The following MC2R variants were observed in gnomAD, a reference collection of about 807,000 sequenced individuals.
MC2R encodes melanocortin 2 receptor.
A neutral mutation model predicts 9.8 loss-of-function variants in MC2R; 9 were observed. That is an observed-to-expected ratio of 0.92 (90% CI 0.55 to 1.60). The LOEUF is 1.60. Ranked by LOEUF, MC2R falls within the 40% of genes most tolerant of loss-of-function variation. MC2R has a pLI of 0.00. For missense variants in MC2R, 370 were observed against 389.0 expected (o/e 0.95, Z 0.41); for synonymous variants, 185 against 154.7 (o/e 1.20, Z -1.45).
chr18:13,901,654 T>C (rs552373204), intron 1 of MC2R, among the ~76,000 whole-genome samples: 1 of 152,166 alleles, frequency 6.6e-6, no homozygotes, highest in Admixed American at 6.5e-5. Flanking sequence ...AATTCCCAGA[T>C]ACATATAACC....
In MC2R at chr18:13,884,885, TGGG is replaced by T. The variant is rs1427041088; in HGVS notation, c.631_633del (p.Pro211del). The T allele has an allele frequency of 3.1e-6, 5 of 1,613,808 alleles. No individual in the cohort carries two copies. Among genetic ancestry groups the T allele is most frequent in the Non-Finnish European group, 4.2e-6 (5 of 1,179,996 alleles). ...GTGATGGCCCCTTTCATGTTGGCTCTGGGGAGGGTGGAGATCTTCCTGGTGTGG... is the reference window on the plus strand; with the variant it reads ...GTGATGGCCCCTTTCATGTTGGCTCTGAGGGTGGAGATCTTCCTGGTGTGG... On this transcript the variant is annotated inframe_deletion, in exon 2 of 2. Transcript: ENST00000327606.
intron 1 of MC2R, among the ~76,000 whole-genome samples, chr18:13,903,347 T>G (rs529492753): frequency 2.0e-5 from 3 of 152,212 alleles, no homozygotes; most frequent in Admixed American, 2.0e-4. Context: ...GTTGGATATA[T>G]ACCCAAAGGG....
chr18:13,884,460 G>A lies in MC2R; in HGVS notation c.*165C>T. 1 of 756,188 alleles carries A rather than the reference G, an allele frequency of 1.3e-6. No homozygotes were observed. The highest frequency in any genetic ancestry group is 2.3e-6 in the Non-Finnish European group (1 of 439,310). The allele number at this position is 756,188 out of a possible 1,614,324, so 46.8% of individuals were successfully genotyped here. On this transcript the variant is annotated 3_prime_UTR_variant, in exon 2 of 2. Coordinates refer to ENST00000327606, the MANE Select transcript of MC2R (RefSeq NM_000529.2). ...AAGAGGTTGCCCCTACAATAAGACT[G>A]TTCACATAGAACCTAGCTATTAGAA...
At chr18:13,908,745 T>TG (rs2045428272) in intron 1 of MC2R, among the ~76,000 whole-genome samples, 1 of 151,392 alleles carries the variant, frequency 6.6e-6, no homozygotes, top group Non-Finnish European at 1.5e-5. Context: ...TGTGTGTGTA[T>TG]TTCAAGCAAA....
At chr18:13,903,717 G>A (rs1434109254) in intron 1 of MC2R, among the ~76,000 whole-genome samples, 9 of 152,190 alleles carry the variant, frequency 5.9e-5, no homozygotes, top group Non-Finnish European at 1.0e-4. Context: ...GGGAGGTGGG[G>A]ATGGTTAATG....
At chr18:13,896,610 C>T (rs2045347502) in intron 1 of MC2R, among the ~76,000 whole-genome samples, 1 of 152,108 alleles carries the variant, frequency 6.6e-6, no homozygotes, top group Admixed American at 6.5e-5. Context: ...ATCCAGGTAG[C>T]AATTTTTATT....
rs28926179 is a variant in MC2R, at chr18:13,885,250, C to G, written c.269G>C (p.Gly90Ala). ...AAAACTGCCACGTGGCTTGAGATAG[C>G]CCATGTTTCTCAATATGATCAGGAT... ...ENILIILRNM[G>A]YLKPRGSFET... Residue 90 changes from glycine to alanine, a missense_variant, in exon 2 of 2, where the codon GGC becomes GCC. By Grantham distance (60) the Gly-to-Ala change is moderately conservative. Coordinates refer to ENST00000327606, the MANE Select transcript of MC2R (RefSeq NM_000529.2). 1.2e-5 allele frequency: 20 copies of G among 1,613,930 alleles called. No individual in the cohort carries two copies. In the East Asian group the frequency reaches 4.2e-4, roughly 34 times the overall value.
chr18:13,908,661 C>T (rs1258405091), intron 1 of MC2R, among the ~76,000 whole-genome samples: 1 of 149,770 alleles, frequency 6.7e-6, no homozygotes, highest in Non-Finnish European at 1.5e-5. Context: ...AAACTACATA[C>T]ATATACCAGT....
intron 1 of MC2R, among the ~76,000 whole-genome samples, chr18:13,911,073 G>A (rs891785522): frequency 7.9e-5 from 12 of 152,364 alleles, no homozygotes; most frequent in South Asian, 6.2e-4. Context: ...ACAGGCAGGT[G>A]CAGTTGCCTT....
Position 13,884,751 on chromosome 18 carries a change from A to G in MC2R, c.768T>C (p.Ser256=), listed in dbSNP as rs1420707573. The change falls in exon 2 of 2, where the codon TCT becomes TCC. Residue 256 remains serine (S), a synonymous_variant. Transcript: ENST00000327606. ...PSNPYCACYM[S]LFQVNGMLIM... is the part of the protein sequence containing the mutation. ...TCAACATGCCGTTCACCTGGAAGAG[A>G]GACATGTAGCAGGCGCAGTAGGGGT... The G allele has an allele frequency of 3.1e-6, 5 of 1,613,942 alleles. No homozygotes were observed. Among genetic ancestry groups the G allele is most frequent in the Non-Finnish European group, 2.5e-6 (3 of 1,180,022 alleles).
At position 13,883,648 on chromosome 18, in the gene MC2R, CTCTCTCTCTGTCTGTCTCTG is replaced by C. The variant is rs1231071989; in HGVS notation, c.*957_*976del. ...ACACACTCTCTCTCTCTCTCTCTCTCTCTCTCTCTGTCTGTCTCTGTCTCTCTCTCTTTATTTCTTAAAAT... is the reference window on the plus strand; with the variant it reads ...ACACACTCTCTCTCTCTCTCTCTCTCTCTCTCTCTCTTTATTTCTTAAAAT... On this transcript the variant is annotated 3_prime_UTR_variant, in exon 2 of 2. Coordinates refer to ENST00000327606, the MANE Select transcript of MC2R (RefSeq NM_000529.2). The C allele has an allele frequency of 3.3e-5, 5 of 151,824 alleles. No individual in the cohort carries two copies. The highest frequency in any genetic ancestry group is 7.3e-5 in the Non-Finnish European group (5 of 68,076). 9.4% of individuals were successfully genotyped at this position (151,824 alleles called of 1,614,324 possible).
chr18:13,914,174 G>A (rs2045462728), intron 1 of MC2R, among the ~76,000 whole-genome samples: 1 of 152,056 alleles, frequency 6.6e-6, no homozygotes, highest in Admixed American at 6.5e-5. Flanking sequence ...AAGTCAGGAT[G>A]GCTTTGGAGC....
intron 1 of MC2R, among the ~76,000 whole-genome samples, chr18:13,904,114 C>T (rs754788134): frequency 1.3e-5 from 2 of 151,744 alleles, no homozygotes; most frequent in African/African-American, 2.4e-5. Context: ...GTGGCTCATG[C>T]CTGTAATCCC....
chr18:13,898,844 G>T (rs1343792183), intron 1 of MC2R, among the ~76,000 whole-genome samples: 1 of 152,154 alleles, frequency 6.6e-6, no homozygotes, highest in Admixed American at 6.5e-5. Context: ...AGCAGGTAAG[G>T]CTTAGATCAC....
chr18:13,911,075 A>G (rs933678038), intron 1 of MC2R, among the ~76,000 whole-genome samples: 1 of 152,368 alleles, frequency 6.6e-6, no homozygotes, highest in Non-Finnish European at 1.5e-5. Context: ...AGGCAGGTGC[A>G]GTTGCCTTAG....
rs779224881 is a variant in MC2R at position 13,885,357 on chromosome 18, A to T, written c.162T>A (p.Asn54Lys). The T allele has an allele frequency of 1.9e-6, 3 of 1,614,170 alleles. No homozygotes were observed. The highest frequency in any genetic ancestry group is 2.2e-5 in the East Asian group (1 of 44,874). ...IVLLAVFKNK[N>K]LQAPMYFFIC... ...TGAAAAAGTACATGGGTGCCTGGAG[A>T]TTCTTATTCTTGAACACAGCCAGCA... Residue 54 changes from asparagine (N) to lysine (K), a missense_variant, in exon 2 of 2, where the codon AAT becomes AAA. Physicochemically the swap from Asn to Lys is moderately conservative, Grantham distance 94. Coordinates refer to ENST00000327606, the MANE Select transcript of MC2R (RefSeq NM_000529.2).
intron 1 of MC2R, among the ~76,000 whole-genome samples, chr18:13,907,319 A>G (rs570615241): frequency 5.8e-4 from 88 of 152,336 alleles, no homozygotes; most frequent in African/African-American, 2.0e-3. Flanking sequence ...GGATATCCAT[A>G]TGCAGAGGAA....
intron 1 of MC2R, among the ~76,000 whole-genome samples, 187 bp downstream of exon 1, chr18:13,915,301 C>G (rs951605931): frequency 3.3e-5 from 5 of 152,088 alleles, no homozygotes; most frequent in African/African-American, 7.2e-5. Flanking sequence ...AAGGTAATAG[C>G]CTTCATTGTA....
intron 1 of MC2R, among the ~76,000 whole-genome samples, chr18:13,899,360 A>G (rs2045365305): frequency 6.6e-6 from 1 of 152,220 alleles, no homozygotes; most frequent in African/African-American, 2.4e-5. Flanking sequence ...GCATGCCTAT[A>G]GGATGTAGAA....
Sources: gnomAD v4.1 joint callset for allele counts (sites outside exome capture counted in the v4.1 genomes callset) on GRCh38, gnomAD v4.1.1 for gene constraint, MANE v1.5 for transcripts, NCBI Gene and HGNC (gene_info 2026-07-23, HGNC 2026-07-21) for gene names.